The following FBXO30 variants were observed in gnomAD, a reference collection of about 807,000 sequenced individuals.
FBXO30 encodes the protein F-box only protein 30.
FBXO30 carries 21 observed loss-of-function variants against 58.1 expected under a neutral mutation model. That is an observed-to-expected ratio of 0.36 (90% CI 0.26 to 0.52). The LOEUF is 0.52. FBXO30 is among the 20% of genes least tolerant of loss of function. The probability of loss-of-function intolerance (pLI) is 0.93; values close to 1 mark genes in which losing one functional copy is unlikely to be tolerated. For synonymous variants in FBXO30, 309 were observed against 312.4 expected, an observed-to-expected ratio of 0.99 and a Z score of 0.11; for missense variants, 744 against 897.3, an observed-to-expected ratio of 0.83 and a Z score of 2.18.
rs1277086007 is a variant in FBXO30, at chr6:145,799,999, A to G, written c.*107T>C. Reference sequence around the variant, plus strand: ...ACTTCAAAACATTATATACACAGTGACAATAAATTTAGCTAGTTGTAATAT... The same window carrying G: ...ACTTCAAAACATTATATACACAGTGGCAATAAATTTAGCTAGTTGTAATAT... On this transcript the variant is annotated 3_prime_UTR_variant, in exon 3 of 3. Coordinates refer to ENST00000237281, the MANE Select transcript of FBXO30 (RefSeq NM_032145.5). 2.5e-6 allele frequency: 2 copies of G among 799,280 alleles called. No individual in the cohort carries two copies. Among genetic ancestry groups the G allele is most frequent in the African/African-American group, 3.5e-5 (2 of 56,964 alleles). The allele number at this position is 799,280 out of a possible 1,614,324, so 49.5% of individuals were successfully genotyped here. A position where few individuals can be genotyped will look rare whatever the true frequency, so the allele number is the denominator to read the frequency against.
Position 145,805,728 on chromosome 6 carries a change from T to G in FBXO30, c.678A>C (p.Glu226Asp), listed in dbSNP as rs1205823059. 6.2e-7 allele frequency: 1 copy of G among 1,614,056 alleles called. No individual in the cohort carries two copies. The highest frequency in any genetic ancestry group is 1.1e-5 in the South Asian group (1 of 91,088). ...NDMDEQQNAR[E>D]SLEDQNLKDQ... ...CTTTCAAGTTTTGATCCTCTAAGCT[T>G]TCTCTCGCATTTTGCTGTTCATCCA... The change falls in exon 2 of 3, where the codon GAA becomes GAC. Residue 226 changes from glutamate to aspartate, a missense_variant. By Grantham distance (45) the Glu-to-Asp change is conservative (BLOSUM62 2). Around this residue, in one of 3 missense-constraint regions of FBXO30, gnomAD observed 275 missense variants for 262.0 expected, o/e 1.05. Coordinates refer to ENST00000237281, the MANE Select transcript of FBXO30 (RefSeq NM_032145.5).
chr6:145,803,632 G>A (rs969586827), intron 2 of FBXO30, among the ~76,000 whole-genome samples: 11 of 152,104 alleles, frequency 7.2e-5, no homozygotes, highest in Admixed American at 5.9e-4. Flanking sequence ...CCAAATAGAA[G>A]CTGAGCAAAA....
chr6:145,811,516 T>C (rs1371979394), intron 1 of FBXO30, among the ~76,000 whole-genome samples: 3 of 152,224 alleles, frequency 2.0e-5, no homozygotes, highest in African/African-American at 7.2e-5. Context: ...ATTTACCTTA[T>C]ATTTTTCCAC....
At chr6:145,811,188 A>G (rs193212954) in intron 1 of FBXO30, among the ~76,000 whole-genome samples, 167 of 152,290 alleles carry the variant, frequency 1.1e-3, no homozygotes, top group Non-Finnish European at 3.5e-4. Context: ...TTTGTATTAA[A>G]TATACGAAGA....
rs146833899 is a variant in FBXO30, at chr6:145,793,508, T to A, written c.*6598A>T. On this transcript the variant is annotated 3_prime_UTR_variant, in exon 3 of 3. Transcript: ENST00000237281. ...ATACAAAAGCATAAAAATGTACACATCAGTACAATTTATTTAGTCTTACTC... is the reference window on the plus strand; with the variant it reads ...ATACAAAAGCATAAAAATGTACACAACAGTACAATTTATTTAGTCTTACTC... 1 of 152,104 alleles carries A rather than the reference T, an allele frequency of 6.6e-6. No individual in the cohort carries two copies. Among genetic ancestry groups the A allele is most frequent in the African/African-American group, 2.4e-5 (1 of 41,544 alleles). The allele number at this position is 152,104 out of a possible 1,614,324, so 9.4% of individuals were successfully genotyped here. A position where few individuals can be genotyped will look rare whatever the true frequency, so the allele number is the denominator to read the frequency against.
chr6:145,813,133 T>G (rs1017457943), intron 1 of FBXO30, among the ~76,000 whole-genome samples: 1 of 152,168 alleles, frequency 6.6e-6, no homozygotes, highest in African/African-American at 2.4e-5. Context: ...ACGTTAGCAT[T>G]ACTTATATAA....
chr6:145,805,135 T>C lies in FBXO30; in HGVS notation c.1271A>G (p.Asp424Gly). 2.5e-6 allele frequency: 4 copies of C among 1,614,110 alleles called. No homozygotes were observed. The highest frequency in any genetic ancestry group is 3.4e-6 in the Non-Finnish European group (4 of 1,179,978). The change falls in exon 2 of 3, where the codon GAT becomes GGT. Residue 424 changes from aspartate (D) to glycine (G), a missense_variant. By Grantham distance (94) the Asp-to-Gly change is moderately conservative. Transcript: ENST00000237281. ...AEDPMGLQGI[D>G]LITAALLFCL... is the part of the protein sequence containing the mutation. ...AAAAAGCAATGCTGCTGTGATCAGA[T>C]CTATTCCTTGGAGGCCCATAGGATC...
In FBXO30 at chr6:145,808,522, G is replaced by A. The variant is rs140943930; in HGVS notation, c.-16-2101C>T. The stretch of plus-strand genomic sequence containing the variant: ...ATTATTTAAATATTGCATTTCTTCA[G>A]GGCTTGTGTCATTTTTTGCTTATTC... On this transcript the variant is annotated intron_variant, in intron 1 of 2. Coordinates refer to ENST00000237281, the MANE Select transcript of FBXO30 (RefSeq NM_032145.5). 4.6e-3 allele frequency among the ~76,000 whole-genome samples: 706 copies of A among 152,008 alleles called. 6 individuals carry two copies. Among genetic ancestry groups the A allele is most frequent in the African/African-American group, 0.015 (618 of 41,488 alleles).
Position 145,795,502 on chromosome 6 carries a change from A to G in FBXO30, c.*4604T>C, listed in dbSNP as rs1777852320. On this transcript the variant is annotated 3_prime_UTR_variant, in exon 3 of 3. Coordinates refer to ENST00000237281, the MANE Select transcript of FBXO30 (RefSeq NM_032145.5). Reference sequence around the variant, plus strand: ...CCTTATGTTGTCAGTTCACTTCAAAAATGTTTTCTTCATAGTAAAAGACAG... The same window carrying G: ...CCTTATGTTGTCAGTTCACTTCAAAGATGTTTTCTTCATAGTAAAAGACAG... The G allele has an allele frequency of 6.6e-6, 1 of 151,888 alleles. No homozygotes were observed. Among genetic ancestry groups the G allele is most frequent in the Non-Finnish European group, 1.5e-5 (1 of 67,808 alleles). 9.4% of individuals were successfully genotyped at this position (151,888 alleles called of 1,614,324 possible). A position where few individuals can be genotyped will look rare whatever the true frequency, so the allele number is the denominator to read the frequency against.
rs1425998226 is a variant in FBXO30, at chr6:145,806,060, C to T, written c.346G>A (p.Glu116Lys). 1 of 1,614,098 alleles carries T rather than the reference C, an allele frequency of 6.2e-7. No individual in the cohort carries two copies. Among genetic ancestry groups the T allele is most frequent in the South Asian group, 1.1e-5 (1 of 91,088 alleles). The change falls in exon 2 of 3, where the codon GAA becomes AAA. Residue 116 changes from glutamate (E) to lysine (K), a missense_variant. Glu to Lys is a moderately conservative substitution (Grantham distance 56). Transcript: ENST00000237281. ...AAGGCCATATCCAATTGTGCCACTT[C>T]ATCGACATCTCTGCTTAGATTTTCA... ...SYENLSRDVDEVAQLDMALAL... is the reference protein window; with the variant it reads ...SYENLSRDVDKVAQLDMALAL...
chr6:145,808,247 A>AC (rs398110796), intron 1 of FBXO30, among the ~76,000 whole-genome samples: 2 of 150,532 alleles, frequency 1.3e-5, no homozygotes, highest in African/African-American at 2.5e-5. Context: ...CCAAAAAAAA[A>AC]CGTCTAATTT....
At position 145,796,125 on chromosome 6, in the gene FBXO30, T is replaced by G. The variant is rs1183415795; in HGVS notation, c.*3981A>C. ...TCAAATATCCCAGTACACTAATCACTGCCTAAATTTTGAGTACCTATTTTC... is the reference window on the plus strand; with the variant it reads ...TCAAATATCCCAGTACACTAATCACGGCCTAAATTTTGAGTACCTATTTTC... On this transcript the variant is annotated 3_prime_UTR_variant, in exon 3 of 3. Transcript: ENST00000237281. 6.6e-6 allele frequency: 1 copy of G among 151,980 alleles called. No individual in the cohort carries two copies. The highest frequency in any genetic ancestry group is 1.9e-4 in the East Asian group (1 of 5,196). 9.4% of individuals were successfully genotyped at this position (151,980 alleles called of 1,614,324 possible). A position where few individuals can be genotyped will look rare whatever the true frequency, so the allele number is the denominator to read the frequency against.
chr6:145,807,977 A>G (rs989878002), intron 1 of FBXO30, among the ~76,000 whole-genome samples: 2 of 151,988 alleles, frequency 1.3e-5, no homozygotes, highest in African/African-American at 4.8e-5. Context: ...AATAAAAACA[A>G]AAAAATTAGC....
In FBXO30 at chr6:145,796,410, A is replaced by G. The variant is rs1281947704; in HGVS notation, c.*3696T>C. On this transcript the variant is annotated 3_prime_UTR_variant, in exon 3 of 3. Transcript: ENST00000237281. ...AAGTCACTGATGAGTTGATAAAGGTATAACTAATATTCTCTGCTTCCTAGA... is the reference window on the plus strand; with the variant it reads ...AAGTCACTGATGAGTTGATAAAGGTGTAACTAATATTCTCTGCTTCCTAGA... 1 of 151,998 alleles carries G rather than the reference A, an allele frequency of 6.6e-6. No individual in the cohort carries two copies. Among genetic ancestry groups the G allele is most frequent in the Non-Finnish European group, 1.5e-5 (1 of 67,886 alleles). The allele number at this position is 151,998 out of a possible 1,614,324, so 9.4% of individuals were successfully genotyped here.
In FBXO30 at chr6:145,805,477, C is replaced by T. The variant is rs576196802; in HGVS notation, c.929G>A (p.Ser310Asn). ...NQNLHGDSKQ[S>N]NLTNGDCVAS... ...CACACAGTCTCCATTTGTTAAGTTACTTTGTTTTGAATCACCATGTAAATT... is the reference window on the plus strand; with the variant it reads ...CACACAGTCTCCATTTGTTAAGTTATTTTGTTTTGAATCACCATGTAAATT... The change falls in exon 2 of 3, where the codon AGT (serine) becomes AAT (asparagine). Residue 310 changes from serine to asparagine, a missense_variant. Transcript: ENST00000237281. 6.2e-7 allele frequency: 1 copy of T among 1,607,974 alleles called. No homozygotes were observed. Among genetic ancestry groups the T allele is most frequent in the Admixed American group, 1.7e-5 (1 of 59,330 alleles).
chr6:145,808,815 G>A (rs889067722), intron 1 of FBXO30, among the ~76,000 whole-genome samples: 1 of 152,178 alleles, frequency 6.6e-6, no homozygotes, highest in Non-Finnish European at 1.5e-5. Flanking sequence ...GTGCGTAAGA[G>A]ATTATTAACT....
rs747077536 is a variant in FBXO30, at chr6:145,806,243, A to C, written c.163T>G (p.Phe55Val). ...CTATTTAAGCAAGGCACTCGTTCAA[A>C]TGGACATAAAAGTCGATGCTCATCA... ...KADEHRLLCP[F>V]ERVPCLNSDF... The change falls in exon 2 of 3, where the codon TTT becomes GTT. Residue 55 changes from phenylalanine to valine, a missense_variant. By Grantham distance (50) the Phe-to-Val change is conservative. Coordinates refer to ENST00000237281, the MANE Select transcript of FBXO30 (RefSeq NM_032145.5). The C allele has an allele frequency of 4.3e-6, 7 of 1,614,010 alleles. No individual in the cohort carries two copies. The African/African-American group carries it at 9.3e-5, about 22-fold the overall frequency.
chr6:145,801,584 A>G (rs1296471978), intron 2 of FBXO30, among the ~76,000 whole-genome samples: 1 of 152,110 alleles, frequency 6.6e-6, no homozygotes, highest in African/African-American at 2.4e-5. Flanking sequence ...GCTTCTCAGG[A>G]AAGCATGGTA....
chr6:145,799,988 T>C lies in FBXO30; in HGVS notation c.*118A>G, dbSNP rs1219763128. On this transcript the variant is annotated 3_prime_UTR_variant, in exon 3 of 3. Transcript: ENST00000237281. The stretch of plus-strand genomic sequence containing the variant: ...AAATAGATGTCACTTCAAAACATTA[T>C]ATACACAGTGACAATAAATTTAGCT... 3 of 756,976 alleles carry C rather than the reference T, an allele frequency of 4.0e-6. No individual in the cohort carries two copies. Among genetic ancestry groups the C allele is most frequent in the Non-Finnish European group, 6.3e-6 (3 of 473,924 alleles). 46.9% of individuals were successfully genotyped at this position (756,976 alleles called of 1,614,324 possible). A position where few individuals can be genotyped will look rare whatever the true frequency, so the allele number is the denominator to read the frequency against.
Sources: allele counts gnomAD v4.1 joint callset (sites outside exome capture counted in the v4.1 genomes callset), GRCh38; gene constraint gnomAD v4.1.1; regional missense constraint gnomAD v4.1.1; transcripts MANE v1.5; gene names NCBI Gene and HGNC (gene_info 2026-07-23, HGNC 2026-07-21).